ANAPC1: variants seen among roughly 807,000 people sequenced by gnomAD.
The protein encoded by ANAPC1 is anaphase promoting complex subunit 1, also known as anaphase-promoting complex subunit 1.
ANAPC1 carries 36 observed loss-of-function variants against 208.0 expected under a neutral mutation model. The ratio of observed to expected loss-of-function variants is 0.17; its 90% CI spans 0.13 to 0.23. The LOEUF (loss-of-function observed/expected upper bound fraction) is 0.23, where lower values mean the gene tolerates loss of function less well. ANAPC1 is among the 10% of genes least tolerant of loss of function. The probability of loss-of-function intolerance (pLI) is 1.00; values close to 1 mark genes in which losing one functional copy is unlikely to be tolerated. For missense variants in ANAPC1, 942 were observed against 2,011.6 expected (o/e 0.47, Z 10.17); for synonymous variants, 378 against 695.2 (o/e 0.54, Z 7.18).
intron 7 of ANAPC1, 120 bp downstream of exon 7, chr2:111,867,903 T>C (rs1429103509): frequency 7.0e-6 from 4 of 569,178 alleles, no homozygotes; most frequent in Admixed American, 3.8e-5. Context: ...ATAGAAGTTA[T>C]TTTTGTAAAA....
At chr2:111,881,888 T>C (rs1160611279) in intron 1 of ANAPC1, among the ~76,000 whole-genome samples, 2 of 152,136 alleles carry the variant, frequency 1.3e-5, no homozygotes, top group East Asian at 1.9e-4. Flanking sequence ...CACTACCCTC[T>C]CTTTAAAACC....
At chr2:111,866,112 G>A (rs1161793685) in intron 7 of ANAPC1, 3 of 193,002 alleles carry the variant, frequency 1.6e-5, no homozygotes, top group Admixed American at 6.1e-5. Flanking sequence ...GCTGAGGGAG[G>A]AGAATGATGT....
chr2:111,799,473 A>G (rs1678334097), intron 34 of ANAPC1, among the ~76,000 whole-genome samples: 1 of 152,142 alleles, frequency 6.6e-6, no homozygotes, highest in Non-Finnish European at 1.5e-5. Context: ...AATGGAATAC[A>G]CAAGTTGAGG....
intron 16 of ANAPC1, among the ~76,000 whole-genome samples, chr2:111,843,819 G>GTTTTTTTT (rs1680901262): frequency 3.9e-5 from 2 of 50,644 alleles, no homozygotes; most frequent in Non-Finnish European, 3.9e-5. Context: ...TCTGAAGACA[G>GTTTTTTTT]CTTTTTTTTT....
At chr2:111,865,385 C>T (rs1014893672) in intron 7 of ANAPC1, among the ~76,000 whole-genome samples, 2 of 151,818 alleles carry the variant, frequency 1.3e-5, no homozygotes, top group African/African-American at 4.8e-5. Context: ...CCGAACAGTA[C>T]ACTGTTGTTT....
At chr2:111,770,201 T>TTATATATATA (rs3055943) in intron 47 of ANAPC1, among the ~76,000 whole-genome samples, 59 of 81,494 alleles carry the variant, frequency 7.2e-4, no homozygotes, top group South Asian at 1.8e-3. Flanking sequence ...TTGTTTAATT[T>TTATATATATA]TATATATATA....
intron 3 of ANAPC1, among the ~76,000 whole-genome samples, chr2:111,875,612 T>G (rs1421786375): frequency 1.3e-5 from 2 of 152,138 alleles, no homozygotes; most frequent in African/African-American, 4.8e-5. Flanking sequence ...ATATATATAT[T>G]GCTAACAAAG....
rs530198807 is a variant in ANAPC1, at chr2:111,865,230, C to T, written c.686-279G>A. Among the ~76,000 whole-genome samples the T allele has an allele frequency of 7.9e-3, 1,200 of 152,116 alleles. 23 individuals carry two copies. The highest frequency in any genetic ancestry group is 0.028 in the African/African-American group (1,144 of 41,494). On this transcript the variant is annotated intron_variant, in intron 7 of 47. Transcript: ENST00000341068. Reference sequence around the variant, plus strand: ...ATTTGTGCTGACTCTCACCATTACACGAATCAGCCACAGGTAAAAGGTCGA... The same window carrying T: ...ATTTGTGCTGACTCTCACCATTACATGAATCAGCCACAGGTAAAAGGTCGA...
intron 28 of ANAPC1, among the ~76,000 whole-genome samples, chr2:111,811,575 CCT>C (rs1452851755): frequency 1.5e-5 from 2 of 130,136 alleles, no homozygotes; most frequent in South Asian, 2.8e-4. Flanking sequence ...CTTTTTCTCC[CCT>C]CTCTCTTTCT....
chr2:111,866,668 G>T (rs1233179456), intron 7 of ANAPC1, among the ~76,000 whole-genome samples: 1 of 150,622 alleles, frequency 6.6e-6, no homozygotes, highest in African/African-American at 2.4e-5. Context: ...AGGCTGCAGT[G>T]AGCCGAGATC....
At chr2:111,787,653 T>G (rs2104512586) in intron 39 of ANAPC1, among the ~76,000 whole-genome samples, 1 of 152,170 alleles carries the variant, frequency 6.6e-6, no homozygotes, top group African/African-American at 2.4e-5. Flanking sequence ...TAGGGAAACT[T>G]AAGTGTTGGT....
At chr2:111,826,460 G>T (rs1679837328) in intron 21 of ANAPC1, among the ~76,000 whole-genome samples, 1 of 152,086 alleles carries the variant, frequency 6.6e-6, no homozygotes, top group Admixed American at 6.6e-5. Context: ...ATGATATGTA[G>T]TCTTTTTTGT....
Position 111,838,489 on chromosome 2 carries a change from A to G in ANAPC1, c.2064T>C (p.Ser688=), listed in dbSNP as rs12998477. ...TTGCTTTTTTGGGCGCAATGACAGG[A>G]GAAAGTGATCCTTCAAAGTCAAACT... ...TRNFDFEGSL[S]PVIAPKKARP... Residue 688 remains serine, a synonymous_variant, in exon 18 of 48, where the codon TCT becomes TCC. Transcript: ENST00000341068. 1 of 1,607,338 alleles carries G rather than the reference A, an allele frequency of 6.2e-7. No homozygotes were observed. Among genetic ancestry groups the G allele is most frequent in the Non-Finnish European group, 8.5e-7 (1 of 1,178,060 alleles).
chr2:111,881,800 A>G (rs571060734), intron 1 of ANAPC1, among the ~76,000 whole-genome samples: 1 of 152,354 alleles, frequency 6.6e-6, no homozygotes, highest in Non-Finnish European at 1.5e-5. Flanking sequence ...TCAAGGAACC[A>G]CATTAGCATG....
chr2:111,868,080 T>A lies in ANAPC1; in HGVS notation c.628A>T (p.Met210Leu). The change falls in exon 7 of 48, where the codon ATG becomes TTG. Residue 210 changes from methionine to leucine, a missense_variant. Physicochemically the swap from Met to Leu is conservative, Grantham distance 15. Coordinates refer to ENST00000341068, the MANE Select transcript of ANAPC1 (RefSeq NM_022662.4). ...TCTAGTGGGTGCAGCATGCTGAACA[T>A]AGTAGGTAAAGGTTCTCTAGCAATA... Reference protein sequence around the residue: ...PGSPREPLPTMFSMLHPLDEI... With the variant: ...PGSPREPLPTLFSMLHPLDEI... 2 of 1,594,790 alleles carry A rather than the reference T, an allele frequency of 1.3e-6. No individual in the cohort carries two copies. The highest frequency in any genetic ancestry group is 3.5e-5 in the Admixed American group (2 of 57,086).
chr2:111,830,416 A>C (rs974839763), intron 21 of ANAPC1, among the ~76,000 whole-genome samples: 1 of 152,076 alleles, frequency 6.6e-6, no homozygotes, highest in East Asian at 1.9e-4. Flanking sequence ...TAAAACATGC[A>C]AAGAAACCCA....
chr2:111,880,261 A>G (rs1370596589), intron 2 of ANAPC1, among the ~76,000 whole-genome samples: 3 of 151,976 alleles, frequency 2.0e-5, no homozygotes, highest in Non-Finnish European at 4.4e-5. Context: ...AATCCCAGCT[A>G]CTCGGGAGGC....
At chr2:111,828,335 A>C (rs1369437635) in intron 21 of ANAPC1, among the ~76,000 whole-genome samples, 1 of 152,236 alleles carries the variant, frequency 6.6e-6, no homozygotes, top group African/African-American at 2.4e-5. Context: ...TGCATTGCTG[A>C]TAAGGATGTA....
chr2:111,832,515 C>T (rs1200987334), intron 20 of ANAPC1, among the ~76,000 whole-genome samples: 2 of 152,044 alleles, frequency 1.3e-5, no homozygotes, highest in African/African-American at 4.8e-5. Flanking sequence ...AGCACTAGCC[C>T]CATGTGGCTA....
Sources: allele counts gnomAD v4.1 joint callset (sites outside exome capture counted in the v4.1 genomes callset), GRCh38; gene constraint gnomAD v4.1.1; transcripts MANE v1.5; gene names NCBI Gene and HGNC (gene_info 2026-07-23, HGNC 2026-07-21).